The following RHOA variants were observed in gnomAD, a reference collection of about 807,000 sequenced individuals.
RHOA encodes the protein transforming protein RhoA.
Under a neutral mutation model 17.5 loss-of-function variants are expected in RHOA, and 3 were observed. The ratio of observed to expected loss-of-function variants is 0.17; its 90% CI spans 0.08 to 0.44. The LOEUF (loss-of-function observed/expected upper bound fraction) is 0.44. RHOA is among the 20% of genes least tolerant of loss of function. The probability of loss-of-function intolerance (pLI) is 0.99; values close to 1 mark genes in which losing one functional copy is unlikely to be tolerated. For missense variants in RHOA, 56 were observed against 242.3 expected (o/e 0.23, Z 5.10); for synonymous variants, 98 against 88.4 (o/e 1.11, Z -0.61).
At chr3:49,372,142 T>G (rs990371134) in intron 2 of RHOA, among the ~76,000 whole-genome samples, 5 of 152,190 alleles carry the variant, frequency 3.3e-5, no homozygotes, top group African/African-American at 1.2e-4. Context: ...GGGCTATAAC[T>G]TGACACCAAT....
intron 1 of RHOA, among the ~76,000 whole-genome samples, chr3:49,380,913 T>C (rs2048306169): frequency 7.1e-6 from 1 of 140,018 alleles, no homozygotes; most frequent in Non-Finnish European, 1.5e-5. Context: ...AGGACAATAT[T>C]ACATACAGCA....
At chr3:49,372,284 C>A (rs186104307) in intron 2 of RHOA, among the ~76,000 whole-genome samples, 2 of 152,186 alleles carry the variant, frequency 1.3e-5, no homozygotes, top group African/African-American at 4.8e-5. Flanking sequence ...GCTGAATTAA[C>A]ACCCTCTGTA....
chr3:49,409,980 T>C (rs777230578), intron 1 of RHOA, among the ~76,000 whole-genome samples: 1 of 152,168 alleles, frequency 6.6e-6, no homozygotes, highest in Non-Finnish European at 1.5e-5. Flanking sequence ...AAAGCCATGA[T>C]TAGGCCAACC....
chr3:49,360,287 T>C lies in RHOA; in HGVS notation c.504A>G (p.Arg168=). 1 of 1,614,082 alleles carries C rather than the reference T, an allele frequency of 6.2e-7. No individual in the cohort carries two copies. Among genetic ancestry groups the C allele is most frequent in the Non-Finnish European group, 8.5e-7 (1 of 1,180,022 alleles). The change falls in exon 5 of 5, where the codon AGA becomes AGG. Residue 168 remains arginine, a synonymous_variant. Coordinates refer to ENST00000418115, the MANE Select transcript of RHOA (RefSeq NM_001664.4). ...ECSAKTKDGV[R]EVFEMATRAA... is the part of the protein sequence containing the mutation. ...CTCTCGTAGCCATTTCAAAAACCTCTCTCACTCCATCTTTGGTCTTTGCTG... is the reference window on the plus strand; with the variant it reads ...CTCTCGTAGCCATTTCAAAAACCTCCCTCACTCCATCTTTGGTCTTTGCTG...
chr3:49,408,178 AT>A (rs1486122000), intron 1 of RHOA, among the ~76,000 whole-genome samples: 55 of 135,988 alleles, frequency 4.0e-4, no homozygotes, highest in Non-Finnish European at 6.5e-4. Flanking sequence ...AAAAAAAAAA[AT>A]ATATATATAT....
chr3:49,375,325 A>G, intron 2 of RHOA, 109 bp downstream of exon 2: 1 of 1,019,598 alleles, frequency 9.8e-7, no homozygotes, highest in Admixed American at 2.7e-5. Context: ...TCTTTCCAAC[A>G]TTTTTGTTAT....
intron 1 of RHOA, among the ~76,000 whole-genome samples, chr3:49,404,433 A>ACACACACACACACACACACAC (rs1553636256): frequency 0.012 from 1,068 of 90,692 alleles, 70 homozygotes; most frequent in East Asian, 0.11. Flanking sequence ...TCTCTAGTAA[A>ACACACACACACACACACACAC]ACACACACAC....
At chr3:49,362,223 T>C (rs2047984615) in intron 4 of RHOA, among the ~76,000 whole-genome samples, 1 of 152,116 alleles carries the variant, frequency 6.6e-6, no homozygotes, top group Non-Finnish European at 1.5e-5. Flanking sequence ...AGCCACTGAT[T>C]ACTAGCTACT....
chr3:49,398,980 G>A (rs1303378107), intron 1 of RHOA, among the ~76,000 whole-genome samples: 5 of 143,912 alleles, frequency 3.5e-5, no homozygotes, highest in African/African-American at 1.0e-4. Flanking sequence ...TTGCTGCCTC[G>A]GGAGGCAGAG....
intron 1 of RHOA, among the ~76,000 whole-genome samples, chr3:49,399,524 C>G (rs189819052): frequency 7.9e-5 from 12 of 151,766 alleles, no homozygotes; most frequent in Non-Finnish European, 1.5e-4. Context: ...GTACAATATT[C>G]ACCAATAGAC....
In RHOA at chr3:49,375,578, G is replaced by C. The variant is rs2107850242; in HGVS notation, c.12C>G (p.Ile4Met). 1 of 1,613,256 alleles carries C rather than the reference G, an allele frequency of 6.2e-7. No individual in the cohort carries two copies. Among genetic ancestry groups the C allele is most frequent in the Non-Finnish European group, 8.5e-7 (1 of 1,179,718 alleles). The change falls in exon 2 of 5, where the codon ATC becomes ATG. Residue 4 changes from isoleucine (I) to methionine (M), a missense_variant. Ile to Met is a conservative substitution (Grantham distance 10). This residue lies in a region of RHOA where 17 missense variants were observed against 156.3 expected (regional missense o/e 0.11). Transcript: ENST00000418115. ...CACCAACAATCACCAGTTTCTTCCG[G>C]ATGGCAGCCATTGCTGAAACACAAA... MAA[I>M]RKKLVIVGDG... is the part of the protein sequence containing the mutation.
At chr3:49,363,012 C>CCCATT (rs2047995258) in intron 3 of RHOA, among the ~76,000 whole-genome samples, 1 of 152,184 alleles carries the variant, frequency 6.6e-6, no homozygotes, top group South Asian at 2.1e-4. Context: ...AGAAGGGGTC[C>CCCATT]CCATTCTAGG....
chr3:49,401,487 G>A (rs997158108), intron 1 of RHOA, among the ~76,000 whole-genome samples: 1 of 151,216 alleles, frequency 6.6e-6, no homozygotes, highest in African/African-American at 2.4e-5. Context: ...ACCTCTGGGA[G>A]GCAAAGGTTG....
chr3:49,407,207 A>G (rs2048845195), intron 1 of RHOA, among the ~76,000 whole-genome samples: 1 of 150,702 alleles, frequency 6.6e-6, no homozygotes, highest in Non-Finnish European at 1.5e-5. Context: ...TAAGTCAAGG[A>G]AATTAATATT....
intron 1 of RHOA, among the ~76,000 whole-genome samples, chr3:49,396,164 G>A (rs1340376392): frequency 6.6e-6 from 1 of 152,240 alleles, no homozygotes; most frequent in East Asian, 1.9e-4. Context: ...ACAGGTCTAT[G>A]AGGAGGTGTC....
intron 2 of RHOA, among the ~76,000 whole-genome samples, chr3:49,372,297 G>A (rs1559499919): frequency 2.6e-5 from 4 of 152,112 alleles, no homozygotes; most frequent in Admixed American, 2.0e-4. Context: ...CCTCTGTATT[G>A]GTTTGCCACC....
chr3:49,375,718 T>A, intron 1 of RHOA, 127 bp from the exon 2 acceptor site: 1 of 904,204 alleles, frequency 1.1e-6, no homozygotes, highest in Non-Finnish European at 1.7e-6. Flanking sequence ...AAACTTCTAG[T>A]ACGCCGATCC....
chr3:49,371,436 C>T (rs2048146371), intron 2 of RHOA, among the ~76,000 whole-genome samples: 1 of 151,932 alleles, frequency 6.6e-6, no homozygotes, highest in Non-Finnish European at 1.5e-5. Flanking sequence ...CCTGCCACCA[C>T]GCCCAGCTAA....
At chr3:49,398,490 G>C (rs538916775) in intron 1 of RHOA, among the ~76,000 whole-genome samples, 1 of 152,094 alleles carries the variant, frequency 6.6e-6, no homozygotes, top group East Asian at 1.9e-4. Flanking sequence ...GAAAGGGTAG[G>C]CAGTAGCATC....
Sources: gnomAD v4.1 joint callset for allele counts (sites outside exome capture counted in the v4.1 genomes callset) on GRCh38, gnomAD v4.1.1 for gene constraint, gnomAD v4.1.1 regional missense constraint, MANE v1.5 for transcripts, NCBI Gene and HGNC (gene_info 2026-07-23, HGNC 2026-07-21) for gene names.